ELMO1: variants seen among roughly 807,000 people sequenced by gnomAD.
ELMO1 encodes the protein engulfment and cell motility protein 1.
Under a neutral mutation model 98.9 loss-of-function variants are expected in ELMO1, and 26 were observed. The observed-to-expected ratio is 0.26, with a 90% CI of 0.19 to 0.36. The LOEUF (loss-of-function observed/expected upper bound fraction) is 0.36. Among genes scored for constraint, ELMO1 ranks in the 10% least tolerant of loss-of-function variants. The pLI is 1.00. For synonymous variants in ELMO1, 346 were observed against 346.0 expected (o/e 1.00, Z 0.00); for missense variants, 627 against 935.2 (o/e 0.67, Z 4.30).
chr7:37,285,729 C>T (rs1289714304), intron 4 of ELMO1, among the ~76,000 whole-genome samples: 1 of 152,112 alleles, frequency 6.6e-6, no homozygotes, highest in Non-Finnish European at 1.5e-5. Context: ...TTTGCCCAAC[C>T]CAGCCAATGA....
At chr7:36,952,352 G>A (rs775673535) in intron 16 of ELMO1, among the ~76,000 whole-genome samples, 1 of 152,196 alleles carries the variant, frequency 6.6e-6, no homozygotes, top group Non-Finnish European at 1.5e-5. Context: ...GGAGGTGGGA[G>A]AGAGATGGAG....
intron 13 of ELMO1, among the ~76,000 whole-genome samples, chr7:37,196,255 C>T (rs1315791845): frequency 3.3e-5 from 5 of 152,190 alleles, no homozygotes; most frequent in African/African-American, 4.8e-5. Flanking sequence ...AGCACAGCCT[C>T]GAGGCTGAGG....
At chr7:37,154,979 AC>A (rs1788633908) in intron 13 of ELMO1, among the ~76,000 whole-genome samples, 1 of 152,224 alleles carries the variant, frequency 6.6e-6, no homozygotes, top group African/African-American at 2.4e-5. Flanking sequence ...CAGAAACCCT[AC>A]AAGCCAGAAG....
At chr7:37,069,685 C>A (rs957230990) in intron 15 of ELMO1, among the ~76,000 whole-genome samples, 6 of 152,142 alleles carry the variant, frequency 3.9e-5, no homozygotes, top group Non-Finnish European at 7.3e-5. Flanking sequence ...TCAAATGGAA[C>A]CGATCTCCGA....
chr7:37,325,629 AC>A (rs1008168426), intron 2 of ELMO1, among the ~76,000 whole-genome samples: 132 of 152,282 alleles, frequency 8.7e-4, no homozygotes, highest in African/African-American at 2.7e-3. Context: ...TTAAAAAAAA[AC>A]CTACCTGACA....
chr7:36,936,964 T>C (rs556444661), intron 16 of ELMO1, among the ~76,000 whole-genome samples: 3 of 152,344 alleles, frequency 2.0e-5, no homozygotes, highest in South Asian at 4.1e-4. Flanking sequence ...TCACCTCAAT[T>C]AGGGGGTTCT....
intron 4 of ELMO1, among the ~76,000 whole-genome samples, chr7:37,285,189 C>T (rs1481154639): frequency 6.6e-6 from 1 of 152,214 alleles, no homozygotes; most frequent in African/African-American, 2.4e-5. Flanking sequence ...GGGGGACGAG[C>T]AATGCCCGCT....
chr7:37,358,195 T>G (rs1801566218), intron 1 of ELMO1, among the ~76,000 whole-genome samples: 2 of 152,206 alleles, frequency 1.3e-5, no homozygotes, highest in Admixed American at 1.3e-4. Context: ...CAACCCTGTG[T>G]TGGCAGTTTG....
At chr7:37,157,872 G>T (rs1474460501) in intron 13 of ELMO1, among the ~76,000 whole-genome samples, 1 of 152,070 alleles carries the variant, frequency 6.6e-6, no homozygotes, top group African/African-American at 2.4e-5. Context: ...AAAGAACAAA[G>T]CTGGAGGCAT....
chr7:37,306,925 C>A (rs947214857), intron 4 of ELMO1, among the ~76,000 whole-genome samples: 1 of 152,080 alleles, frequency 6.6e-6, no homozygotes. Flanking sequence ...AATTATAAAC[C>A]TAGTGACTCA....
At chr7:37,303,591 T>G (rs926389441) in intron 4 of ELMO1, among the ~76,000 whole-genome samples, 1 of 152,192 alleles carries the variant, frequency 6.6e-6, no homozygotes. Context: ...TAATAATGGT[T>G]TTTGCTTTTC....
chr7:37,293,766 CAAAAAAAA>C (rs56775177), intron 4 of ELMO1, among the ~76,000 whole-genome samples: 2 of 100,884 alleles, frequency 2.0e-5, no homozygotes, highest in East Asian at 2.6e-4. Flanking sequence ...ACTCTATATC[CAAAAAAAA>C]AAAAAAAAAA....
At position 36,881,141 on chromosome 7, in the gene ELMO1, A is replaced by T. The variant is rs188830966; in HGVS notation, c.1715-3024T>A. Among the ~76,000 whole-genome samples, 35 of 152,332 alleles carry T rather than the reference A, an allele frequency of 2.3e-4. No homozygotes were observed. In the East Asian group the frequency reaches 3.7e-3, roughly 16 times the overall value. On this transcript the variant is annotated intron_variant, in intron 18 of 21. Coordinates refer to ENST00000310758, the MANE Select transcript of ELMO1 (RefSeq NM_014800.11). ...TTGGATGGATGGCAAAATATTGGAAAAAGGGGCTGAAAACGCTGAGAAACT... is the reference window on the plus strand; with the variant it reads ...TTGGATGGATGGCAAAATATTGGAATAAGGGGCTGAAAACGCTGAGAAACT...
At chr7:37,199,033 T>C (rs1176092684) in intron 13 of ELMO1, among the ~76,000 whole-genome samples, 5 of 152,192 alleles carry the variant, frequency 3.3e-5, no homozygotes, top group African/African-American at 1.2e-4. Context: ...ATGCCTTTGA[T>C]AGGCGCGCCC....
intron 1 of ELMO1, among the ~76,000 whole-genome samples, chr7:37,421,657 A>G (rs2131533878): frequency 6.6e-6 from 1 of 152,328 alleles, no homozygotes; most frequent in Admixed American, 6.5e-5. Flanking sequence ...CTGGGTTCTT[A>G]GGGGCTGAAT....
intron 1 of ELMO1, among the ~76,000 whole-genome samples, chr7:37,403,293 C>G (rs1176662875): frequency 6.6e-6 from 1 of 152,072 alleles, no homozygotes; most frequent in Non-Finnish European, 1.5e-5. Flanking sequence ...CACAGTGGCT[C>G]ACACCTGTAA....
chr7:37,274,869 T>C (rs1796748033), intron 4 of ELMO1, among the ~76,000 whole-genome samples: 1 of 152,200 alleles, frequency 6.6e-6, no homozygotes, highest in Admixed American at 6.5e-5. Context: ...ATCTTTCTAA[T>C]AATCATGGAA....
At chr7:36,939,045 G>GAC (rs1164808743) in intron 16 of ELMO1, among the ~76,000 whole-genome samples, 1 of 151,408 alleles carries the variant, frequency 6.6e-6, no homozygotes, top group African/African-American at 2.4e-5. Flanking sequence ...CAAAGCTATA[G>GAC]ACATTGCTAA....
intron 13 of ELMO1, among the ~76,000 whole-genome samples, chr7:37,152,773 A>G (rs1788452746): frequency 6.6e-6 from 1 of 152,244 alleles, no homozygotes; most frequent in African/African-American, 2.4e-5. Context: ...AGAATTTGCG[A>G]TATAAACTTC....
Sources: gnomAD v4.1 joint callset for allele counts (sites outside exome capture counted in the v4.1 genomes callset) on GRCh38, gnomAD v4.1.1 for gene constraint, MANE v1.5 for transcripts, NCBI Gene and HGNC (gene_info 2026-07-23, HGNC 2026-07-21) for gene names.